The following AMPH variants were observed in gnomAD, a reference collection of about 807,000 sequenced individuals.
AMPH encodes the protein amphiphysin.
Under a neutral mutation model 99.1 loss-of-function variants are expected in AMPH, and 49 were observed. That is an observed-to-expected ratio of 0.49 (90% CI 0.39 to 0.63). The LOEUF (loss-of-function observed/expected upper bound fraction) is 0.63. AMPH is among the 20% of genes least tolerant of loss of function. The pLI, the probability that AMPH is intolerant of heterozygous loss-of-function variation, is 0.00. For synonymous variants in AMPH, 314 were observed against 317.3 expected (o/e 0.99, Z 0.11); for missense variants, 759 against 863.4 (o/e 0.88, Z 1.52).
At chr7:38,407,565 A>C (rs539235536) in intron 17 of AMPH, among the ~76,000 whole-genome samples, 25 of 152,150 alleles carry the variant, frequency 1.6e-4, no homozygotes, top group Non-Finnish European at 2.8e-4. Flanking sequence ...CCATTGCACA[A>C]TATAACCATA....
At chr7:38,520,704 G>A (rs897145411) in intron 2 of AMPH, among the ~76,000 whole-genome samples, 2 of 152,208 alleles carry the variant, frequency 1.3e-5, no homozygotes, top group Admixed American at 1.3e-4. Flanking sequence ...AATATTCCTT[G>A]TGAGTTGACC....
chr7:38,535,395 A>T (rs1427495273), intron 1 of AMPH, among the ~76,000 whole-genome samples: 1 of 152,178 alleles, frequency 6.6e-6, no homozygotes, highest in Non-Finnish European at 1.5e-5. Context: ...ACTGCTTGTG[A>T]ACAGTAGACC....
rs59736715 is a variant in AMPH, at chr7:38,610,348, GA to G, written c.69+20934del. On this transcript the variant is annotated intron_variant, in intron 1 of 20. Transcript: ENST00000356264. ...AAAGAAAAGAAAAAAGAAAAGAAAA[GA>G]AAAGAAAAGAAAAGAAAAGAAAAGA... is the stretch of plus-strand genomic sequence containing the variant. 1.7e-4 allele frequency among the ~76,000 whole-genome samples: 5 copies of G among 29,382 alleles called. 1 individual carries two copies. Among genetic ancestry groups the G allele is most frequent in the African/African-American group, 9.5e-4 (5 of 5,272 alleles). The allele number at this position is 29,382 out of a possible 152,430, so 19.3% of individuals were successfully genotyped here.
intron 17 of AMPH, among the ~76,000 whole-genome samples, chr7:38,398,027 G>C (rs1328511870): frequency 6.7e-6 from 1 of 149,250 alleles, no homozygotes; most frequent in Non-Finnish European, 1.5e-5. Context: ...CGAGGAAGTA[G>C]AGAAAAAAGA....
In AMPH at chr7:38,491,076, AG is replaced by A; in HGVS notation, c.369del (p.Tyr124ThrfsTer8). The A allele has an allele frequency of 6.2e-7, 1 of 1,612,582 alleles. No homozygotes were observed. The highest frequency in any genetic ancestry group is 8.5e-7 in the Non-Finnish European group (1 of 1,178,772). On this transcript the variant is annotated frameshift_variant, in exon 5 of 21. Transcript: ENST00000356264. LOFTEE classifies it high-confidence loss of function. ...LVDGSLLTLD[T>X]YLGQFPDIKN... The stretch of plus-strand genomic sequence containing the variant: ...TTTATGTCAGGAAATTGCCCCAGGT[AG>A]GTATCCAGTGTTAGCAAGGACCCAT...
intron 3 of AMPH, among the ~76,000 whole-genome samples, chr7:38,496,090 G>C (rs1003840907): frequency 6.6e-6 from 1 of 152,138 alleles, no homozygotes; most frequent in Non-Finnish European, 1.5e-5. Flanking sequence ...TGGAAACAGG[G>C]AGAGGAGAGG....
intron 1 of AMPH, among the ~76,000 whole-genome samples, chr7:38,619,754 C>A (rs958579177): frequency 6.6e-6 from 1 of 152,136 alleles, no homozygotes; most frequent in Non-Finnish European, 1.5e-5. Flanking sequence ...CCAGGAGAGC[C>A]CTACAAGGAC....
chr7:38,461,866 A>G (rs1159076191), intron 10 of AMPH, among the ~76,000 whole-genome samples: 2 of 152,246 alleles, frequency 1.3e-5, no homozygotes, highest in African/African-American at 4.8e-5. Flanking sequence ...TGAAAAGTAG[A>G]AAACTTTAAA....
At chr7:38,510,884 T>C (rs1789513538) in intron 2 of AMPH, among the ~76,000 whole-genome samples, 1 of 152,208 alleles carries the variant, frequency 6.6e-6, no homozygotes, top group African/African-American at 2.4e-5. Flanking sequence ...AATTGTTCAC[T>C]AGTTTTTCTC....
At chr7:38,535,077 T>G (rs1790548485) in intron 1 of AMPH, 66 bp from the exon 2 acceptor site, 1 of 1,397,980 alleles carries the variant, frequency 7.2e-7, no homozygotes, top group Non-Finnish European at 1.0e-6. Context: ...GTGCATTTTC[T>G]GTTAATGGAG....
At chr7:38,398,783 T>C (rs1185123637) in intron 17 of AMPH, among the ~76,000 whole-genome samples, 1 of 152,218 alleles carries the variant, frequency 6.6e-6, no homozygotes. Context: ...TATATCTGTA[T>C]CAAAATATCT....
intron 1 of AMPH, among the ~76,000 whole-genome samples, chr7:38,584,493 C>T (rs1394510018): frequency 6.6e-6 from 1 of 152,208 alleles, no homozygotes; most frequent in Non-Finnish European, 1.5e-5. Flanking sequence ...TACCACCTAA[C>T]ACCGTCCTTT....
At chr7:38,550,690 C>T (rs1791150569) in intron 1 of AMPH, among the ~76,000 whole-genome samples, 1 of 152,128 alleles carries the variant, frequency 6.6e-6, no homozygotes, top group Non-Finnish European at 1.5e-5. Context: ...TCCCTCCTCC[C>T]TCTCCCACCA....
At chr7:38,432,545 G>A (rs774680113) in intron 12 of AMPH, among the ~76,000 whole-genome samples, 86 of 151,820 alleles carry the variant, frequency 5.7e-4, no homozygotes, top group Non-Finnish European at 1.1e-3. Flanking sequence ...TTCACTATGT[G>A]AGTAGAAAAC....
intron 1 of AMPH, among the ~76,000 whole-genome samples, chr7:38,547,897 C>G (rs1490429292): frequency 6.6e-6 from 1 of 152,160 alleles, no homozygotes; most frequent in African/African-American, 2.4e-5. Flanking sequence ...TCACTTACGC[C>G]TTCACTGGCT....
chr7:38,391,982 G>T lies in AMPH; in HGVS notation c.1644C>A (p.Ala548=). ...KVIPSVVIEP[A]SNHEEEGENE... ...TTTCTCCTTCCTCTTCATGGTTGGA[G>T]GCAGGCTCTATGACCACCGAAGGAA... The change falls in exon 19 of 21, where the codon GCC becomes GCA. Residue 548 remains alanine, a synonymous_variant. Coordinates refer to ENST00000356264, the MANE Select transcript of AMPH (RefSeq NM_001635.4). 1 of 1,609,000 alleles carries T rather than the reference G, an allele frequency of 6.2e-7. No homozygotes were observed.
intron 4 of AMPH, among the ~76,000 whole-genome samples, chr7:38,493,432 A>AT (rs1378044671): frequency 6.6e-6 from 1 of 152,176 alleles, no homozygotes; most frequent in African/African-American, 2.4e-5. Context: ...CACAAAGGCA[A>AT]TAAGTGTCTT....
chr7:38,467,858 A>G (rs1156503316), intron 7 of AMPH, among the ~76,000 whole-genome samples: 3 of 152,198 alleles, frequency 2.0e-5, no homozygotes, highest in Non-Finnish European at 2.9e-5. Context: ...AGCTGCAAAC[A>G]TCTGCTTAAG....
intron 11 of AMPH, among the ~76,000 whole-genome samples, chr7:38,446,874 A>G (rs1257593000): frequency 6.6e-6 from 1 of 152,262 alleles, no homozygotes; most frequent in African/African-American, 2.4e-5. Flanking sequence ...TTCTCTTAAC[A>G]CAGTGCTCTG....
Sources: gnomAD v4.1 joint callset for allele counts (sites outside exome capture counted in the v4.1 genomes callset) on GRCh38, gnomAD v4.1.1 for gene constraint, MANE v1.5 for transcripts, NCBI Gene and HGNC (gene_info 2026-07-23, HGNC 2026-07-21) for gene names.